MYH10: variants seen among roughly 807,000 people sequenced by gnomAD.
The protein encoded by MYH10 is myosin heavy chain 10, also known as myosin-10.
In MYH10, 55 loss-of-function variants were observed where a neutral mutation model predicts 257.8. That is an observed-to-expected ratio of 0.21 (90% CI 0.17 to 0.27). The LOEUF (loss-of-function observed/expected upper bound fraction) is 0.27. Ranked by LOEUF, MYH10 falls within the 10% of genes least tolerant of loss-of-function variation. The pLI, the probability that MYH10 is intolerant of heterozygous loss-of-function variation, is 1.00. For missense variants in MYH10, 1,631 were observed against 2,500.6 expected, an observed-to-expected ratio of 0.65 and a Z score of 7.42; for synonymous variants, 854 against 921.7, an observed-to-expected ratio of 0.93 and a Z score of 1.33.
intron 19 of MYH10, among the ~76,000 whole-genome samples, chr17:8,520,509 T>C (rs1222506820): frequency 6.6e-6 from 1 of 151,980 alleles, no homozygotes; most frequent in East Asian, 1.9e-4. Flanking sequence ...AAATAATAAA[T>C]AAATAAAAAT....
intron 14 of MYH10, among the ~76,000 whole-genome samples, chr17:8,541,139 T>G (rs1456832339): frequency 1.3e-5 from 2 of 152,216 alleles, no homozygotes; most frequent in Non-Finnish European, 2.9e-5. Flanking sequence ...GATGTGCCAC[T>G]GCTCCTCCTG....
intron 14 of MYH10, among the ~76,000 whole-genome samples, chr17:8,541,272 G>C (rs1189819593): frequency 6.6e-6 from 1 of 152,212 alleles, no homozygotes; most frequent in Non-Finnish European, 1.5e-5. Context: ...AAAGCCTGCT[G>C]CACCTCCTAG....
intron 11 of MYH10, among the ~76,000 whole-genome samples, chr17:8,547,340 G>A (rs2082476166): frequency 6.6e-6 from 1 of 152,034 alleles, no homozygotes; most frequent in African/African-American, 2.4e-5. Flanking sequence ...ATTTAACCAT[G>A]GAAAAGCCAT....
Position 8,557,954 on chromosome 17 carries a change from T to C in MYH10, c.757-3936A>G, listed in dbSNP as rs796135423. On this transcript the variant is annotated intron_variant, in intron 7 of 42. Coordinates refer to ENST00000360416, the MANE Select transcript of MYH10 (RefSeq NM_001256012.3). ...ACTGATTTTATGCCATCAAATTTACTGAGGTAATGATTTAAATTCCCCTGG... is the reference window on the plus strand; with the variant it reads ...ACTGATTTTATGCCATCAAATTTACCGAGGTAATGATTTAAATTCCCCTGG... Among the ~76,000 whole-genome samples, 8 of 152,320 alleles carry C rather than the reference T, an allele frequency of 5.3e-5. No homozygotes were observed. In the South Asian group the frequency reaches 1.7e-3, roughly 32 times the overall value.
At chr17:8,476,343 C>T (rs905080819) in intron 42 of MYH10, among the ~76,000 whole-genome samples, 2 of 152,200 alleles carry the variant, frequency 1.3e-5, no homozygotes, top group African/African-American at 4.8e-5. Context: ...ATGTAGAAAC[C>T]ATGCTTAGTT....
chr17:8,578,620 A>T (rs1026056367), intron 4 of MYH10, among the ~76,000 whole-genome samples: 1 of 152,198 alleles, frequency 6.6e-6, no homozygotes, highest in African/African-American at 2.4e-5. Context: ...AAATGCCACC[A>T]TTTTAAATGA....
At chr17:8,564,923 G>C (rs1472089946) in intron 7 of MYH10, among the ~76,000 whole-genome samples, 4 of 152,302 alleles carry the variant, frequency 2.6e-5, no homozygotes, top group African/African-American at 9.6e-5. Context: ...TAGCTAGTTA[G>C]GAGAAGAAAT....
At position 8,479,118 on chromosome 17, in the gene MYH10, G is replaced by GTT. The variant is rs372694656; in HGVS notation, c.5598-674_5598-673dup. Among the ~76,000 whole-genome samples, 167 of 152,268 alleles carry GTT rather than the reference G, an allele frequency of 1.1e-3. 1 individual carries two copies. The highest frequency in any genetic ancestry group is 3.7e-3 in the African/African-American group (154 of 41,534). On this transcript the variant is annotated intron_variant, in intron 40 of 42. Coordinates refer to ENST00000360416, the MANE Select transcript of MYH10 (RefSeq NM_001256012.3). ...TAGACTTTTGAAGACACCATCCTTA[G>GTT]TTTAATCACCTAAACTTTTAGCCTG...
chr17:8,550,527 G>GC (rs765951855), intron 9 of MYH10, among the ~76,000 whole-genome samples: 1 of 150,418 alleles, frequency 6.6e-6, no homozygotes, highest in African/African-American at 2.4e-5. Flanking sequence ...GGGGGGGACA[G>GC]CCCCCCGCCC....
intron 14 of MYH10, among the ~76,000 whole-genome samples, chr17:8,538,039 A>G (rs2151938457): frequency 6.6e-6 from 1 of 152,344 alleles, no homozygotes; most frequent in East Asian, 1.9e-4. Context: ...GTGCCACCAC[A>G]GAGGATGTTT....
intron 3 of MYH10, among the ~76,000 whole-genome samples, chr17:8,602,226 C>T (rs931528820): frequency 6.6e-6 from 1 of 152,228 alleles, no homozygotes; most frequent in East Asian, 1.9e-4. Context: ...GATCCGCTGG[C>T]CTCAGCCTCC....
chr17:8,571,269 G>T (rs1172201186), intron 6 of MYH10, among the ~76,000 whole-genome samples: 3 of 150,620 alleles, frequency 2.0e-5, no homozygotes, highest in Non-Finnish European at 4.4e-5. Context: ...CCGTCTCCTG[G>T]GTTCATGCCA....
intron 3 of MYH10, 29 bp from the exon 4 acceptor site, chr17:8,589,137 A>G: frequency 1.2e-6 from 2 of 1,608,136 alleles, no homozygotes; most frequent in Non-Finnish European, 1.7e-6. Context: ...CAAACAAAAA[A>G]AAGAAAGTGA....
rs2082307012 is a variant in MYH10 at position 8,542,110 on chromosome 17, T to C, written c.1602A>G (p.Arg534=). The C allele has an allele frequency of 6.2e-7, 1 of 1,612,362 alleles. No individual in the cohort carries two copies. Among genetic ancestry groups the C allele is most frequent in the South Asian group, 1.1e-5 (1 of 90,626 alleles). Residue 534 remains arginine, a synonymous_variant, in exon 14 of 43, where the codon AGA becomes AGG. Transcript: ENST00000360416. ...GCGAGCAAGTGAGCACTCTTACAGGTCTCTCTATTAGGTCGATGCATGGCT... is the reference window on the plus strand; with the variant it reads ...GCGAGCAAGTGAGCACTCTTACAGGCCTCTCTATTAGGTCGATGCATGGCT... ...DLQPCIDLIE[R]PANPPGVLAL...
Position 8,475,858 on chromosome 17 carries a change from GTCA to G in MYH10, c.5967_5969del (p.Asp1990del). The G allele has an allele frequency of 1.9e-6, 3 of 1,614,214 alleles. No individual in the cohort carries two copies. The highest frequency in any genetic ancestry group is 2.5e-6 in the Non-Finnish European group (3 of 1,180,040). On this transcript the variant is annotated inframe_deletion, in exon 43 of 43. Transcript: ENST00000360416. ...TGACATCACTGGTCTTACTTTCTGT[GTCA>G]TCGTCGGAGAGCTCCAGGGAAGCTC...
At chr17:8,553,678 G>A (rs929511425) in intron 8 of MYH10, among the ~76,000 whole-genome samples, 29 of 152,178 alleles carry the variant, frequency 1.9e-4, no homozygotes, top group African/African-American at 7.0e-4. Context: ...AATAGGGGGA[G>A]GGCAACTGCA....
chr17:8,489,708 A>AACACACACAC (rs59065540), intron 35 of MYH10, among the ~76,000 whole-genome samples: 48 of 93,080 alleles, frequency 5.2e-4, no homozygotes, highest in African/African-American at 1.7e-3. Flanking sequence ...CGTCTGAAAA[A>AACACACACAC]ACACACACAC....
chr17:8,489,286 GAAACTGTGACA>G (rs1332669917), intron 35 of MYH10, among the ~76,000 whole-genome samples: 1 of 152,180 alleles, frequency 6.6e-6, no homozygotes, highest in Non-Finnish European at 1.5e-5. Flanking sequence ...CTCACCCACA[GAAACTGTGACA>G]AAAATGTTGT....
At chr17:8,614,168 A>G (rs888608088) in intron 2 of MYH10, among the ~76,000 whole-genome samples, 7 of 152,170 alleles carry the variant, frequency 4.6e-5, no homozygotes, top group African/African-American at 1.7e-4. Context: ...TAATCACATA[A>G]CGAACCATAA....
Sources: allele counts gnomAD v4.1 joint callset (sites outside exome capture counted in the v4.1 genomes callset), GRCh38; gene constraint gnomAD v4.1.1; transcripts MANE v1.5; gene names NCBI Gene and HGNC (gene_info 2026-07-23, HGNC 2026-07-21).